The following CARS1 variants were observed in gnomAD, a reference collection of about 807,000 sequenced individuals.
CARS1 encodes the protein cysteinyl-tRNA synthetase 1, also known as cysteine--tRNA ligase, cytoplasmic.
Under a neutral mutation model 106.2 loss-of-function variants are expected in CARS1, and 48 were observed. The ratio of observed to expected loss-of-function variants is 0.45; its 90% CI spans 0.36 to 0.57. The LOEUF is 0.57. Among genes scored for constraint, CARS1 ranks in the 20% least tolerant of loss-of-function variants. The pLI, the probability that CARS1 is intolerant of heterozygous loss-of-function variation, is 0.00. For missense variants in CARS1, 968 were observed against 1,057.2 expected (o/e 0.92, Z 1.17); for synonymous variants, 409 against 403.4 (o/e 1.01, Z -0.17).
In CARS1 at chr11:3,043,120, C is replaced by T. The variant is rs1590523070; in HGVS notation, c.275-864G>A. On this transcript the variant is annotated intron_variant, in intron 2 of 22. Coordinates refer to ENST00000380525, the MANE Select transcript of CARS1 (RefSeq NM_001014437.3). This position sits in a 1 kb window ranked among gnomAD's most constrained non-coding sequence, Gnocchi z 4.0. ...GTGCAGTCACCTCCTCCTGGCCAGA[C>T]TTCCCTAGTTGTTCCCCTCCACTCG... Among the ~76,000 whole-genome samples the T allele has an allele frequency of 6.6e-6, 1 of 152,182 alleles. No homozygotes were observed. Among genetic ancestry groups the T allele is most frequent in the South Asian group, 2.1e-4 (1 of 4,832 alleles).
At chr11:3,033,466 T>C (rs549943156) in intron 7 of CARS1, among the ~76,000 whole-genome samples, 1 of 152,218 alleles carries the variant, frequency 6.6e-6, no homozygotes, top group Non-Finnish European at 1.5e-5. Flanking sequence ...AACTTCTAAG[T>C]AATTCTAGAT....
chr11:3,026,895 C>A (rs951967351), intron 9 of CARS1, 98 bp from the exon 10 acceptor site: 3 of 1,394,858 alleles, frequency 2.2e-6, no homozygotes, highest in Non-Finnish European at 2.0e-6. Context: ...TATAAAAGTG[C>A]GAAATCTGTG....
chr11:3,017,184 T>C lies in CARS1; in HGVS notation c.1839A>G (p.Ala613=). 2 of 1,614,178 alleles carry C rather than the reference T, an allele frequency of 1.2e-6. No individual in the cohort carries two copies. The part of the protein sequence containing the change: ...ALVSQCNLYM[A]ARKAVRKRPN... ...GCCTCTTCCTCACGGCTTTCCGGGC[T>C]GCCATATAGAGGTTGCACTGACTGA... The change falls in exon 16 of 23, where the codon GCA becomes GCG. Residue 613 remains alanine (A), a synonymous_variant. Coordinates refer to ENST00000380525, the MANE Select transcript of CARS1 (RefSeq NM_001014437.3). This position sits in a 1 kb window ranked among gnomAD's most constrained non-coding sequence, Gnocchi z 4.9.
chr11:3,009,833 A>G (rs1196879306), intron 18 of CARS1, among the ~76,000 whole-genome samples: 3 of 152,192 alleles, frequency 2.0e-5, no homozygotes, highest in Admixed American at 1.3e-4. Flanking sequence ...TGAGCTTGTT[A>G]TACACTCACT....
chr11:3,056,139 C>G (rs986449059), intron 1 of CARS1, among the ~76,000 whole-genome samples: 3 of 152,208 alleles, frequency 2.0e-5, no homozygotes, highest in African/African-American at 7.2e-5. Context: ...CTGGGTGTCC[C>G]CATGCCGCCA....
Position 3,048,066 on chromosome 11 carries a change from A to T in CARS1, c.26-65T>A. ...GGGCAGCCCAGAGGCCGCCAGAAAG[A>T]CAGGGACTAGGGGATGGCACAGAAC... On this transcript the variant is annotated intron_variant, in intron 1 of 22. Transcript: ENST00000380525. This position sits in a 1 kb window ranked among gnomAD's most constrained non-coding sequence, Gnocchi z 5.1. The T allele has an allele frequency of 6.3e-7, 1 of 1,579,354 alleles. No homozygotes were observed. Among genetic ancestry groups the T allele is most frequent in the South Asian group, 1.1e-5 (1 of 88,144 alleles).
chr11:3,010,540 G>A (rs1431287670), intron 18 of CARS1, among the ~76,000 whole-genome samples: 1 of 152,220 alleles, frequency 6.6e-6, no homozygotes, highest in African/African-American at 2.4e-5. Flanking sequence ...GTGCTTATGT[G>A]GTCAGGGCAA....
chr11:3,001,319 C>G, intron 22 of CARS1, 71 bp from the exon 23 acceptor site: 1 of 1,570,516 alleles, frequency 6.4e-7, no homozygotes, highest in Non-Finnish European at 8.7e-7. Flanking sequence ...CTTTCTTTGC[C>G]CTCCCGTCTC....
In CARS1 at chr11:3,053,382, C is replaced by T. The variant is rs571133373; in HGVS notation, c.25+3961G>A. ...AGTAGCTGGGATTACAGGTGCCCGC[C>T]ACCATGCCCAGCTAATTTTTGTATT... is the stretch of plus-strand genomic sequence containing the variant. On this transcript the variant is annotated intron_variant, in intron 1 of 22. Transcript: ENST00000380525. The surrounding 1 kb of genome is among the most constrained non-coding windows in gnomAD (Gnocchi z 6.6). Among the ~76,000 whole-genome samples the T allele has an allele frequency of 4.6e-3, 705 of 152,228 alleles. 4 individuals are homozygous for T. Among genetic ancestry groups the T allele is most frequent in the African/African-American group, 0.016 (667 of 41,534 alleles).
chr11:3,016,445 C>G lies in CARS1; in HGVS notation c.1918-596G>C, dbSNP rs375105302. Reference sequence around the variant, plus strand: ...TCACCGTGTTAGTCAGGATGGTCTCCATCTCCTGACCTTGTGATCCGCCCG... The same window carrying G: ...TCACCGTGTTAGTCAGGATGGTCTCGATCTCCTGACCTTGTGATCCGCCCG... On this transcript the variant is annotated intron_variant, in intron 16 of 22. Coordinates refer to ENST00000380525, the MANE Select transcript of CARS1 (RefSeq NM_001014437.3). Among the ~76,000 whole-genome samples the G allele has an allele frequency of 5.9e-5, 9 of 151,796 alleles. 1 individual carries two copies. The South Asian group carries it at 1.0e-3, about 18-fold the overall frequency.
In CARS1 at chr11:3,028,862, T is replaced by C. The variant is rs1852393942; in HGVS notation, c.1031+134A>G. On this transcript the variant is annotated intron_variant, in intron 9 of 22. Coordinates refer to ENST00000380525, the MANE Select transcript of CARS1 (RefSeq NM_001014437.3). The surrounding 1 kb of genome is among the most constrained non-coding windows in gnomAD (Gnocchi z 4.4). ...GGGCCCAGAGTTGTAGGAGGAAGTC[T>C]GCTGGGACTTCTAGCTACGCAGCCC... The C allele has an allele frequency of 1.4e-6, 1 of 694,052 alleles. No individual in the cohort carries two copies. The highest frequency in any genetic ancestry group is 1.7e-5 in the South Asian group (1 of 59,430). The allele number at this position is 694,052 out of a possible 1,614,324, so 43.0% of individuals were successfully genotyped here.
At chr11:3,023,250 C>T (rs187170991) in intron 10 of CARS1, among the ~76,000 whole-genome samples, 60 of 152,330 alleles carry the variant, frequency 3.9e-4, no homozygotes, top group Admixed American at 1.6e-3. Context: ...CCCACCTTTC[C>T]CATGTGCTGC....
Position 3,044,155 on chromosome 11 carries a change from G to A in CARS1, c.275-1899C>T, listed in dbSNP as rs922824034. Among the ~76,000 whole-genome samples, 5 of 152,124 alleles carry A rather than the reference G, an allele frequency of 3.3e-5. No homozygotes were observed. The East Asian group carries it at 7.7e-4, about 23-fold the overall frequency. On this transcript the variant is annotated intron_variant, in intron 2 of 22. Transcript: ENST00000380525. This position sits in a 1 kb window ranked among gnomAD's most constrained non-coding sequence, Gnocchi z 4.4. ...GACACTGCTGCCATCTCAGACAGCT[G>A]GAGACGCTGCCCAGAAACACAGCCA...
Position 3,040,081 on chromosome 11 carries a change from C to T in CARS1, c.456-150G>A, listed in dbSNP as rs1477153704. ...AAGACCCCCCCTTCTCCTCCTCAGT[C>T]TACTCAACGTGAAGATGGCAAGGAT... On this transcript the variant is annotated intron_variant, in intron 4 of 22. Coordinates refer to ENST00000380525, the MANE Select transcript of CARS1 (RefSeq NM_001014437.3). The surrounding 1 kb of genome is among the most constrained non-coding windows in gnomAD (Gnocchi z 5.8). The T allele has an allele frequency of 1.8e-6, 1 of 552,666 alleles. No individual in the cohort carries two copies. The highest frequency in any genetic ancestry group is 3.7e-5 in the Admixed American group (1 of 26,692). 34.2% of individuals were successfully genotyped at this position (552,666 alleles called of 1,614,324 possible).
chr11:3,055,302 C>G (rs1459557535), intron 1 of CARS1, among the ~76,000 whole-genome samples: 1 of 152,196 alleles, frequency 6.6e-6, no homozygotes, highest in Non-Finnish European at 1.5e-5. Flanking sequence ...CAGGCGCCCG[C>G]CACCGCGCCC....
chr11:3,002,923 G>A (rs1849529588), intron 20 of CARS1, among the ~76,000 whole-genome samples: 2 of 152,226 alleles, frequency 1.3e-5, no homozygotes, highest in South Asian at 2.1e-4. Flanking sequence ...CCAGCATGGT[G>A]AGCCTGGCCC....
intron 1 of CARS1, 75 bp downstream of exon 1, chr11:3,057,268 T>C (rs911125101): frequency 4.9e-5 from 65 of 1,314,046 alleles, no homozygotes; most frequent in South Asian, 4.3e-4. Flanking sequence ...AAGGACTCGC[T>C]GCCCTTCGAG....
chr11:3,033,501 T>C (rs1218456528), intron 7 of CARS1, among the ~76,000 whole-genome samples: 3 of 152,236 alleles, frequency 2.0e-5, no homozygotes, highest in East Asian at 1.9e-4. Context: ...TAATTACTTC[T>C]AGATAATTCC....
At position 3,029,511 on chromosome 11, in the gene CARS1, G is replaced by C; in HGVS notation, c.802-68C>G. 1 of 1,560,938 alleles carries C rather than the reference G, an allele frequency of 6.4e-7. No individual in the cohort carries two copies. Among genetic ancestry groups the C allele is most frequent in the Admixed American group, 1.7e-5 (1 of 58,522 alleles). ...TCACATGAGAACATCTCGTGCAGCT[G>C]GTGTGAGCCCATCAGTGCCCTGAAT... is the stretch of plus-strand genomic sequence containing the variant. On this transcript the variant is annotated intron_variant, in intron 7 of 22. Coordinates refer to ENST00000380525, the MANE Select transcript of CARS1 (RefSeq NM_001014437.3). The surrounding 1 kb of genome is among the most constrained non-coding windows in gnomAD (Gnocchi z 5.9).
Sources: allele counts gnomAD v4.1 joint callset (sites outside exome capture counted in the v4.1 genomes callset), GRCh38; gene constraint gnomAD v4.1.1; non-coding constraint Gnocchi (gnomAD v3.1); transcripts MANE v1.5; gene names NCBI Gene and HGNC (gene_info 2026-07-23, HGNC 2026-07-21).